Variants in ARHGAP23 observed in about 807,000 individuals in gnomAD.
ARHGAP23 encodes the protein rho GTPase-activating protein 23.
In ARHGAP23, 34 loss-of-function variants were observed where a neutral mutation model predicts 136.3. The ratio of observed to expected loss-of-function variants is 0.25; its 90% CI spans 0.19 to 0.33. The LOEUF (loss-of-function observed/expected upper bound fraction) is 0.33. ARHGAP23 is among the 10% of genes least tolerant of loss of function. The probability of loss-of-function intolerance (pLI) is 1.00; values close to 1 mark genes in which losing one functional copy is unlikely to be tolerated. For synonymous variants in ARHGAP23, 832 were observed against 920.5 expected (o/e 0.90, Z 1.74); for missense variants, 1,808 against 2,139.0 (o/e 0.85, Z 3.05).
upstream of ARHGAP23, among the ~76,000 whole-genome samples, chr17:38,423,497 G>A (rs929293845): frequency 6.6e-6 from 1 of 151,886 alleles, no homozygotes; most frequent in African/African-American, 2.4e-5. Context: ...TCAGCCTCCT[G>A]AGTAGCTGGG....
At chr17:38,498,746 T>C (rs1027531583) in intron 22 of ARHGAP23, among the ~76,000 whole-genome samples, 5 of 152,212 alleles carry the variant, frequency 3.3e-5, no homozygotes, top group African/African-American at 9.7e-5. Context: ...GTCGGAGCTT[T>C]GTTCGCCCTC....
chr17:38,497,664 C>G (rs2040422353), intron 20 of ARHGAP23, 121 bp from the exon 21 acceptor site: 1 of 986,722 alleles, frequency 1.0e-6, no homozygotes, highest in South Asian at 1.4e-5. Context: ...GCCCCGCCAG[C>G]CTGGGGTTTG....
chr17:38,441,552 G>A (rs1002909058), intron 1 of ARHGAP23, among the ~76,000 whole-genome samples: 1 of 152,226 alleles, frequency 6.6e-6, no homozygotes. Context: ...GAGAGGGCGG[G>A]GACTGGAGGG....
At chr17:38,505,412 C>T (rs2040612448) in intron 23 of ARHGAP23, among the ~76,000 whole-genome samples, 1 of 151,920 alleles carries the variant, frequency 6.6e-6, no homozygotes, top group South Asian at 2.1e-4. Context: ...TGCAATAATC[C>T]CCGAGCACCC....
chr17:38,485,977 T>A (rs956056961), intron 16 of ARHGAP23, 85 bp from the exon 17 acceptor site: 378 of 1,323,466 alleles, frequency 2.9e-4, no homozygotes, highest in Non-Finnish European at 3.8e-4. Flanking sequence ...CCTGGTGGGC[T>A]TGATTGGGCT....
chr17:38,476,290 G>A (rs555705651), intron 11 of ARHGAP23, among the ~76,000 whole-genome samples: 5 of 152,252 alleles, frequency 3.3e-5, no homozygotes, highest in African/African-American at 1.2e-4. Context: ...GGCGTGGACC[G>A]GGTGGTGGCA....
intron 16 of ARHGAP23, among the ~76,000 whole-genome samples, chr17:38,485,091 TC>T (rs1348469322): frequency 6.6e-6 from 1 of 152,120 alleles, no homozygotes; most frequent in Admixed American, 6.5e-5. Flanking sequence ...GGCCGTTAGT[TC>T]TTGTACTCGA....
intron 23 of ARHGAP23, among the ~76,000 whole-genome samples, chr17:38,503,166 A>G (rs528194828): frequency 1.3e-5 from 2 of 152,364 alleles, no homozygotes; most frequent in South Asian, 4.1e-4. Context: ...CCCGTGAAGC[A>G]GCAGTAGCCT....
At chr17:38,465,076 G>T (rs2039555048) in intron 6 of ARHGAP23, among the ~76,000 whole-genome samples, 1 of 151,762 alleles carries the variant, frequency 6.6e-6, no homozygotes, top group Non-Finnish European at 1.5e-5. Context: ...ACAGTGGTCA[G>T]TGGCGGGGTT....
chr17:38,428,821 G>C (rs1264102560), intron 1 of ARHGAP23, among the ~76,000 whole-genome samples: 1 of 152,190 alleles, frequency 6.6e-6, no homozygotes, highest in Non-Finnish European at 1.5e-5. Context: ...CACAGACCCA[G>C]GTGGCGGTGC....
rs1279461777 is a variant in ARHGAP23, at chr17:38,510,790, G to A, written c.4294G>A (p.Glu1432Lys). 45 of 1,502,560 alleles carry A rather than the reference G, an allele frequency of 3.0e-5. No homozygotes were observed. Among genetic ancestry groups the A allele is most frequent in the Non-Finnish European group, 4.0e-5 (45 of 1,128,494 alleles). 93.1% of individuals were successfully genotyped at this position (1,502,560 alleles called of 1,614,324 possible). The change falls in exon 24 of 24, where the codon GAG becomes AAG. Residue 1432 changes from glutamate (E) to lysine (K), a missense_variant. Physicochemically the swap from Glu to Lys is moderately conservative, Grantham distance 56. Around this residue, in one of 7 missense-constraint regions of ARHGAP23, gnomAD observed 506 missense variants for 455.8 expected, o/e 1.11. Coordinates refer to ENST00000622683, the MANE Select transcript of ARHGAP23 (RefSeq NM_001199417.2). The surrounding 1 kb of genome is among the most constrained non-coding windows in gnomAD (Gnocchi z 4.6). ...GGAGCTGGGCGGAGGGGGCCCCCCG[G>A]AGCCTGCGGGCGCGCGGGCGCACAG... is the stretch of plus-strand genomic sequence containing the variant. The part of the protein sequence containing the change: ...WKELGGGGPP[E>K]PAGARAHSDN...
intron 6 of ARHGAP23, among the ~76,000 whole-genome samples, chr17:38,465,112 C>T (rs950491139): frequency 6.6e-6 from 1 of 151,464 alleles, no homozygotes; most frequent in African/African-American, 2.4e-5. Flanking sequence ...TGGGCGGAGG[C>T]GGGCTGGGAT....
At position 38,471,848 on chromosome 17, in the gene ARHGAP23, G is replaced by A. The variant is rs1461733068; in HGVS notation, c.1975-15G>A. The A allele has an allele frequency of 1.2e-5, 18 of 1,527,396 alleles. No individual in the cohort carries two copies. The highest frequency in any genetic ancestry group is 4.2e-5 in the Admixed American group (2 of 47,136). The allele number at this position is 1,527,396 out of a possible 1,614,324, so 94.6% of individuals were successfully genotyped here. A position where few individuals can be genotyped will look rare whatever the true frequency, so the allele number is the denominator to read the frequency against. The stretch of plus-strand genomic sequence containing the variant: ...TGGGAGCCACCCTAAATTGTCCTCT[G>A]TTGTCTCCCTGCAGTCCTTGGATAG... On this transcript the variant is annotated splice_polypyrimidine_tract_variant and intron_variant, in intron 10 of 23. Transcript: ENST00000622683.
intron 1 of ARHGAP23, among the ~76,000 whole-genome samples, chr17:38,455,404 G>C (rs1367159519): frequency 6.6e-6 from 1 of 152,186 alleles, no homozygotes; most frequent in Non-Finnish European, 1.5e-5. Flanking sequence ...GAGAGGTAGA[G>C]ATAAGGGAGG....
Position 38,490,593 on chromosome 17 carries a change from G to A in ARHGAP23, c.3150+42G>A, listed in dbSNP as rs766209557. 29 of 1,436,814 alleles carry A rather than the reference G, an allele frequency of 2.0e-5. 1 individual carries two copies. The highest frequency in any genetic ancestry group is 6.1e-5 in the South Asian group (5 of 81,738). 89.0% of individuals were successfully genotyped at this position (1,436,814 alleles called of 1,614,324 possible). On this transcript the variant is annotated intron_variant, in intron 19 of 23. Transcript: ENST00000622683. ...CATGGAGTCTGGGGGAGGCAAGCAC[G>A]GACTTACTGTGTGAGGGCCCTCAGC...
chr17:38,467,093 G>A lies in ARHGAP23; in HGVS notation c.1410G>A (p.Arg470=). Residue 470 remains arginine, a synonymous_variant, in exon 7 of 24, where the codon CGG becomes CGA. Transcript: ENST00000622683. ...CCTCCGAGCCACCCAGGGTTGTACG[G>A]CCGGAACCCAGCACCCGGGCCCTGG... is the stretch of plus-strand genomic sequence containing the variant. ...PEASEPPRVV[R]PEPSTRALEP... 2 of 1,550,638 alleles carry A rather than the reference G, an allele frequency of 1.3e-6. No homozygotes were observed. The highest frequency in any genetic ancestry group is 1.7e-6 in the Non-Finnish European group (2 of 1,146,814).
At chr17:38,489,904 C>T (rs978304885) in intron 17 of ARHGAP23, 198 bp from the exon 18 acceptor site, 11 of 602,408 alleles carry the variant, frequency 1.8e-5, no homozygotes, top group African/African-American at 3.7e-5. Flanking sequence ...GGTGCACACC[C>T]GAGTGTAGCT....
chr17:38,487,469 A>C (rs2040185046), intron 17 of ARHGAP23, among the ~76,000 whole-genome samples: 1 of 152,220 alleles, frequency 6.6e-6, no homozygotes, highest in Non-Finnish European at 1.5e-5. Context: ...TTCTGAGACC[A>C]GTGTCAATTG....
At chr17:38,506,952 T>C (rs1217081790) in intron 23 of ARHGAP23, among the ~76,000 whole-genome samples, 1 of 152,098 alleles carries the variant, frequency 6.6e-6, no homozygotes, top group Non-Finnish European at 1.5e-5. Flanking sequence ...GTGCTCCGTG[T>C]GTGTCGGATG....
Sources: allele counts gnomAD v4.1 joint callset (sites outside exome capture counted in the v4.1 genomes callset), GRCh38; gene constraint gnomAD v4.1.1; regional missense constraint gnomAD v4.1.1; non-coding constraint Gnocchi (gnomAD v3.1); transcripts MANE v1.5; gene names NCBI Gene and HGNC (gene_info 2026-07-23, HGNC 2026-07-21).